Variants in GLRB observed in about 807,000 individuals in gnomAD.
GLRB encodes the protein glycine receptor beta, also known as glycine receptor subunit beta.
GLRB carries 33 observed loss-of-function variants against 54.2 expected under a neutral mutation model. The ratio of observed to expected loss-of-function variants is 0.61; its 90% confidence interval spans 0.46 to 0.81. The LOEUF is 0.81. Among genes scored for constraint, GLRB ranks in the 40% least tolerant of loss-of-function variants. GLRB has a pLI of 0.00. For missense variants in GLRB, 572 were observed against 584.6 expected (o/e 0.98, Z 0.22); for synonymous variants, 209 against 208.2 (o/e 1.00, Z -0.03).
intron 4 of GLRB, among the ~76,000 whole-genome samples, chr4:157,126,789 A>T (rs530894106): frequency 6.6e-6 from 1 of 152,026 alleles, no homozygotes; most frequent in Non-Finnish European, 1.5e-5. Context: ...ATGTAGGGAA[A>T]ACTGGGTATT....
intron 8 of GLRB, among the ~76,000 whole-genome samples, chr4:157,151,498 G>T (rs190201141): frequency 1.3e-5 from 2 of 152,128 alleles, no homozygotes; most frequent in East Asian, 1.9e-4. Context: ...GATAATTATT[G>T]TAAAAGTAAA....
intron 2 of GLRB, among the ~76,000 whole-genome samples, chr4:157,118,935 G>A (rs990625082): frequency 6.6e-6 from 1 of 151,524 alleles, no homozygotes; most frequent in African/African-American, 2.4e-5. Context: ...GATTTTGTGT[G>A]TGTGTGTAGG....
chr4:157,127,246 A>G (rs1736047448), intron 4 of GLRB, among the ~76,000 whole-genome samples: 2 of 151,832 alleles, frequency 1.3e-5, no homozygotes, highest in South Asian at 2.1e-4. Flanking sequence ...AGCATGTACT[A>G]TAGAATAATA....
intron 9 of GLRB, among the ~76,000 whole-genome samples, chr4:157,157,035 T>A (rs1737256626): frequency 6.6e-6 from 1 of 152,164 alleles, no homozygotes; most frequent in Non-Finnish European, 1.5e-5. Flanking sequence ...TCCTTGATAC[T>A]GCTGGGCGAG....
intron 4 of GLRB, among the ~76,000 whole-genome samples, chr4:157,132,249 G>A (rs1242009414): frequency 6.6e-6 from 1 of 151,642 alleles, no homozygotes; most frequent in African/African-American, 2.4e-5. Context: ...TTTTAATTGA[G>A]TTGTTTGTTT....
chr4:157,098,363 A>G (rs967795756), intron 2 of GLRB, among the ~76,000 whole-genome samples: 13 of 152,152 alleles, frequency 8.5e-5, no homozygotes, highest in African/African-American at 3.1e-4. Context: ...ATTTGAAAAG[A>G]CTTTTGCAAT....
intron 2 of GLRB, among the ~76,000 whole-genome samples, chr4:157,112,114 T>C (rs570042282): frequency 1.3e-5 from 2 of 151,928 alleles, no homozygotes; most frequent in African/African-American, 4.8e-5. Flanking sequence ...TTCAAACAAG[T>C]GATTCTTCTG....
intron 2 of GLRB, among the ~76,000 whole-genome samples, chr4:157,100,757 A>G (rs1020777506): frequency 2.6e-5 from 4 of 152,198 alleles, no homozygotes; most frequent in African/African-American, 9.6e-5. Flanking sequence ...GCTTGGAATA[A>G]TCACCTTTTC....
chr4:157,103,677 C>A (rs1017077475), intron 2 of GLRB, among the ~76,000 whole-genome samples: 2 of 152,126 alleles, frequency 1.3e-5, no homozygotes, highest in East Asian at 3.9e-4. Flanking sequence ...AACCCATGAA[C>A]ATGGGCTGTC....
rs1463889017 is a variant in GLRB, at chr4:157,171,571, G to A, written c.*843G>A. The A allele has an allele frequency of 6.6e-6, 1 of 152,202 alleles. No homozygotes were observed. Among genetic ancestry groups the A allele is most frequent in the Non-Finnish European group, 1.5e-5 (1 of 67,770 alleles). The allele number at this position is 152,202 out of a possible 1,614,324, so 9.4% of individuals were successfully genotyped here. ...TCTTTTAAATTGGAATGCAGTAATA[G>A]ATATGTGATTTTACATCATTTTTAA... On this transcript the variant is annotated 3_prime_UTR_variant, in exon 10 of 10. Transcript: ENST00000264428.
chr4:157,171,805 ACTTGTATTTTCTTT>A lies in GLRB; in HGVS notation c.*1083_*1096del. 6.6e-6 allele frequency: 1 copy of A among 151,914 alleles called. No homozygotes were observed. The highest frequency in any genetic ancestry group is 1.9e-4 in the East Asian group (1 of 5,176). The allele number at this position is 151,914 out of a possible 1,614,324, so 9.4% of individuals were successfully genotyped here. The stretch of plus-strand genomic sequence containing the variant: ...TTTGTTTGTGTTAGACTTCACTTCT[ACTTGTATTTTCTTT>A]CTTGTTAAAAGTCTAGACAACTGAG... On this transcript the variant is annotated 3_prime_UTR_variant, in exon 10 of 10. Coordinates refer to ENST00000264428, the MANE Select transcript of GLRB (RefSeq NM_000824.5).
chr4:157,163,998 C>G (rs1737618861), intron 9 of GLRB, among the ~76,000 whole-genome samples: 1 of 152,182 alleles, frequency 6.6e-6, no homozygotes, highest in Admixed American at 6.5e-5. Context: ...GCCTACCACA[C>G]TCTAATAATT....
At chr4:157,091,667 T>G (rs1422033381) in intron 2 of GLRB, among the ~76,000 whole-genome samples, 1 of 152,210 alleles carries the variant, frequency 6.6e-6, no homozygotes, top group Non-Finnish European at 1.5e-5. Context: ...TACTCTATAG[T>G]GTCAACGTGA....
intron 2 of GLRB, among the ~76,000 whole-genome samples, chr4:157,083,029 C>G (rs890739398): frequency 6.7e-6 from 1 of 148,760 alleles, no homozygotes; most frequent in Non-Finnish European, 1.5e-5. Flanking sequence ...GAAAGACATT[C>G]TTAAAATTAA....
chr4:157,096,148 G>C (rs749623747), intron 2 of GLRB, among the ~76,000 whole-genome samples: 1 of 152,166 alleles, frequency 6.6e-6, no homozygotes, highest in Non-Finnish European at 1.5e-5. Context: ...AAGCTAGCCA[G>C]GCAGGGGAAC....
At chr4:157,108,501 G>T (rs969178732) in intron 2 of GLRB, among the ~76,000 whole-genome samples, 1 of 152,090 alleles carries the variant, frequency 6.6e-6, no homozygotes, top group African/African-American at 2.4e-5. Flanking sequence ...TGCAGAGATG[G>T]TGGAAATAGC....
chr4:157,163,112 C>T (rs1021261175), intron 9 of GLRB, among the ~76,000 whole-genome samples: 2 of 152,178 alleles, frequency 1.3e-5, no homozygotes, highest in East Asian at 1.9e-4. Flanking sequence ...AGCGAGGCTC[C>T]GTGGGCATGG....
rs57784760 is a variant in GLRB, at chr4:157,078,009, A to T, written c.-16A>T. 0.013 allele frequency: 20,863 copies of T among 1,602,382 alleles called. 278 individuals are homozygous for T. Among genetic ancestry groups the T allele is most frequent in the African/African-American group, 0.059 (4,401 of 74,588 alleles). ...TCTCTCTTGTAGATCGATCTTCTGA[A>T]ATTCAAGTTTTCAAGATGAAGTTTT... On this transcript the variant is annotated 5_prime_UTR_variant, in exon 2 of 10. Coordinates refer to ENST00000264428, the MANE Select transcript of GLRB (RefSeq NM_000824.5).
chr4:157,160,493 A>C (rs996161790), intron 9 of GLRB, among the ~76,000 whole-genome samples: 1 of 150,924 alleles, frequency 6.6e-6, no homozygotes, highest in African/African-American at 2.4e-5. Context: ...CCCTCTACAC[A>C]CTGCTTTAAA....
Sources: allele counts gnomAD v4.1 joint callset (sites outside exome capture counted in the v4.1 genomes callset), GRCh38; gene constraint gnomAD v4.1.1; transcripts MANE v1.5; gene names NCBI Gene and HGNC (gene_info 2026-07-23, HGNC 2026-07-21).